GFM2: variants seen among roughly 807,000 people sequenced by gnomAD.
GFM2 encodes ribosome-releasing factor 2, mitochondrial.
A neutral mutation model predicts 95.4 loss-of-function variants in GFM2; 72 were observed. The ratio of observed to expected loss-of-function variants is 0.76; its 90% CI spans 0.62 to 0.92. GFM2 has a LOEUF of 0.92. GFM2 is among the 40% of genes least tolerant of loss of function. The probability of loss-of-function intolerance (pLI) is 0.00; values close to 1 mark genes in which losing one functional copy is unlikely to be tolerated. For synonymous variants in GFM2, 276 were observed against 317.5 expected (o/e 0.87, Z 1.39); for missense variants, 825 against 924.1 (o/e 0.89, Z 1.39).
chr5:74,736,479 G>C, intron 15 of GFM2: 1 of 985,112 alleles, frequency 1.0e-6, no homozygotes, highest in Non-Finnish European at 1.2e-6. Flanking sequence ...AATTGGTTAT[G>C]AATCAGTTAC....
chr5:74,745,689 A>C lies in GFM2; in HGVS notation c.838T>G (p.Leu280Val). The C allele has an allele frequency of 6.2e-7, 1 of 1,611,148 alleles. No individual in the cohort carries two copies. The highest frequency in any genetic ancestry group is 8.5e-7 in the Non-Finnish European group (1 of 1,178,660). Residue 280 changes from leucine to valine, a missense_variant, in exon 10 of 21, where the codon TTA becomes GTA. Physicochemically the swap from Leu to Val is conservative, Grantham distance 32 (BLOSUM62 1). Transcript: ENST00000296805. ...LKETTEARNA[L>V]IEQVADLDDE... ...TCATTATACTTTACTTGTTCAATTA[A>C]GGCATTCCTTGCTTCAGTTGTTTCC...
intron 10 of GFM2, among the ~76,000 whole-genome samples, chr5:74,742,188 A>G (rs1743142485): frequency 6.6e-6 from 1 of 152,122 alleles, no homozygotes; most frequent in Non-Finnish European, 1.5e-5. Flanking sequence ...GGGATCATTC[A>G]GCTGACAAAT....
At chr5:74,757,518 G>A (rs1580015711) in intron 5 of GFM2, among the ~76,000 whole-genome samples, 2 of 151,710 alleles carry the variant, frequency 1.3e-5, no homozygotes, top group African/African-American at 4.8e-5. Context: ...CTTCACTTGA[G>A]CCCAGTTTGA....
intron 11 of GFM2, 51 bp downstream of exon 11, chr5:74,741,478 C>A: frequency 5.9e-6 from 5 of 844,382 alleles, no homozygotes; most frequent in East Asian, 2.6e-5. Context: ...AGAAATCAAA[C>A]TACATCCAAT....
intron 5 of GFM2, among the ~76,000 whole-genome samples, chr5:74,755,924 C>T (rs1016674281): frequency 6.6e-6 from 1 of 152,014 alleles, no homozygotes; most frequent in Non-Finnish European, 1.5e-5. Flanking sequence ...AACTACAGAC[C>T]AATATCCCTA....
intron 2 of GFM2, among the ~76,000 whole-genome samples, chr5:74,761,919 T>C (rs1213945265): frequency 1.3e-5 from 2 of 152,190 alleles, no homozygotes; most frequent in Non-Finnish European, 2.9e-5. Context: ...ATTTCTACAT[T>C]AGTTACCAAG....
chr5:74,723,785 C>A (rs1336033427), intron 19 of GFM2, among the ~76,000 whole-genome samples: 1 of 152,164 alleles, frequency 6.6e-6, no homozygotes, highest in Non-Finnish European at 1.5e-5. Context: ...TGCTCACGTC[C>A]TCCAAAATCA....
intron 10 of GFM2, among the ~76,000 whole-genome samples, chr5:74,742,202 T>TA (rs1211868430): frequency 1.4e-5 from 2 of 147,652 alleles, no homozygotes; most frequent in Non-Finnish European, 3.0e-5. Context: ...GACAAATTAA[T>TA]AAAACAGCTT....
At chr5:74,727,035 G>T (rs1272685349) in intron 17 of GFM2, among the ~76,000 whole-genome samples, 2 of 152,102 alleles carry the variant, frequency 1.3e-5, no homozygotes, top group Non-Finnish European at 2.9e-5. Flanking sequence ...GAGTATGGTA[G>T]TGCACACCTG....
intron 5 of GFM2, among the ~76,000 whole-genome samples, chr5:74,754,802 A>G (rs1466143762): frequency 6.6e-6 from 1 of 152,188 alleles, no homozygotes; most frequent in Non-Finnish European, 1.5e-5. Flanking sequence ...ACAGGTCATC[A>G]AGACAAAAGG....
Position 74,726,111 on chromosome 5 carries a change from G to A in GFM2, c.1742C>T (p.Thr581Ile), listed in dbSNP as rs759417609. 2 of 1,607,656 alleles carry A rather than the reference G, an allele frequency of 1.2e-6. No homozygotes were observed. Among genetic ancestry groups the A allele is most frequent in the Non-Finnish European group, 1.7e-6 (2 of 1,177,814 alleles). The change falls in exon 18 of 21, where the codon ACT (threonine) becomes ATT (isoleucine). Residue 581 changes from threonine (T) to isoleucine (I), a missense_variant. Thr to Ile is a moderately conservative substitution (Grantham distance 89, BLOSUM62 -1). Transcript: ENST00000296805. Reference sequence around the variant, plus strand: ...CACAAGATGCCTTTTGTCTCCTAAAGTTCTATCTAAGGTATCTGTAAACAA... The same window carrying A: ...CACAAGATGCCTTTTGTCTCCTAAAATTCTATCTAAGGTATCTGTAAACAA... ...SVRATDTLDR[T>I]LGDKRHLVTV...
intron 6 of GFM2, 117 bp downstream of exon 6, chr5:74,751,251 T>A (rs1743689474): frequency 1.1e-6 from 1 of 914,360 alleles, no homozygotes; most frequent in African/African-American, 1.7e-5. Flanking sequence ...ATGGTTGAGA[T>A]GGTAAATTTT....
At chr5:74,751,594 C>T in intron 5 of GFM2, 101 bp from the exon 6 acceptor site, 2 of 802,938 alleles carry the variant, frequency 2.5e-6, no homozygotes, top group Non-Finnish European at 3.9e-6. Flanking sequence ...TAAGAAAAAT[C>T]TTTCCTAAAA....
At chr5:74,756,595 G>A (rs150544130) in intron 5 of GFM2, among the ~76,000 whole-genome samples, 2,075 of 152,138 alleles carry the variant, frequency 0.014, 12 homozygotes, top group Admixed American at 0.021. Context: ...AGTTTTTAAA[G>A]GAATCTCCAC....
chr5:74,747,172 A>G (rs562540254), intron 8 of GFM2, among the ~76,000 whole-genome samples: 1 of 152,282 alleles, frequency 6.6e-6, no homozygotes, highest in African/African-American at 2.4e-5. Context: ...ACCATGACCA[A>G]TACATCTCAG....
At chr5:74,727,996 T>C (rs768413665) in intron 17 of GFM2, among the ~76,000 whole-genome samples, 3 of 152,104 alleles carry the variant, frequency 2.0e-5, no homozygotes, top group Non-Finnish European at 2.9e-5. Flanking sequence ...CATCAACATC[T>C]CTCCTTTCCC....
intron 1 of GFM2, among the ~76,000 whole-genome samples, chr5:74,764,785 T>G (rs1365501048): frequency 1.1e-3 from 151 of 138,358 alleles, no homozygotes; most frequent in South Asian, 3.6e-3. Context: ...GTTGTTTTTT[T>G]TTTTTTTTTT....
chr5:74,725,763 A>C lies in GFM2; in HGVS notation c.1913-8T>G. 2.5e-6 allele frequency: 4 copies of C among 1,598,374 alleles called. No homozygotes were observed. The South Asian group carries it at 3.3e-5, about 13-fold the overall frequency. ...GGGATCCAAGCAATGGTCCTAGACA[A>C]GGGAAAAAAATTGTATCATACTCTG... On this transcript the variant is annotated splice_polypyrimidine_tract_variant and splice_region_variant and intron_variant, in intron 18 of 20. Transcript: ENST00000296805.
At position 74,763,783 on chromosome 5, in the gene GFM2, A is replaced by C. The variant is rs1304260337; in HGVS notation, c.-24-17T>G. 1 of 1,525,080 alleles carries C rather than the reference A, an allele frequency of 6.6e-7. No homozygotes were observed. The highest frequency in any genetic ancestry group is 1.4e-5 in the African/African-American group (1 of 73,366). The allele number at this position is 1,525,080 out of a possible 1,614,324, so 94.5% of individuals were successfully genotyped here. ...TGTTACTGTCTGAAAAAATAAATATACAAAATCAAAAAACTAAACTTATGT... is the reference window on the plus strand; with the variant it reads ...TGTTACTGTCTGAAAAAATAAATATCCAAAATCAAAAAACTAAACTTATGT... On this transcript the variant is annotated splice_polypyrimidine_tract_variant and intron_variant, in intron 1 of 20. Coordinates refer to ENST00000296805, the MANE Select transcript of GFM2 (RefSeq NM_032380.5).
Sources: gnomAD v4.1 joint callset for allele counts (sites outside exome capture counted in the v4.1 genomes callset) on GRCh38, gnomAD v4.1.1 for gene constraint, MANE v1.5 for transcripts, NCBI Gene and HGNC (gene_info 2026-07-23, HGNC 2026-07-21) for gene names.